LINGO2: variants seen among roughly 807,000 people sequenced by gnomAD.
The protein encoded by LINGO2 is leucine-rich repeat and immunoglobulin-like domain-containing nogo receptor-interacting protein 2.
Under a neutral mutation model 30.6 loss-of-function variants are expected in LINGO2, and 14 were observed. The observed-to-expected ratio is 0.46, with a 90% confidence interval of 0.30 to 0.72. LINGO2 has a LOEUF of 0.72. Among genes scored for constraint, LINGO2 ranks in the 30% least tolerant of loss-of-function variants. The pLI is 0.07. For synonymous variants in LINGO2, 317 were observed against 288.5 expected, an observed-to-expected ratio of 1.10 and a Z score of -1.00; for missense variants, 729 against 751.7, an observed-to-expected ratio of 0.97 and a Z score of 0.35.
At chr9:28,268,324 G>T (rs1296336367) in intron 4 of LINGO2, among the ~76,000 whole-genome samples, 3 of 152,050 alleles carry the variant, frequency 2.0e-5, no homozygotes, top group Non-Finnish European at 2.9e-5. Flanking sequence ...CACAGTCTGT[G>T]ATGGTATCTG....
the LINGO2 span, among the ~76,000 whole-genome samples, chr9:28,700,984 G>A: frequency 6.6e-6 from 1 of 151,890 alleles, no homozygotes; most frequent in South Asian, 2.1e-4. Flanking sequence ...TAGGTCTTTT[G>A]CCCACTTTTC....
At chr9:29,076,849 T>C in the LINGO2 span, among the ~76,000 whole-genome samples, 3 of 151,866 alleles carry the variant, frequency 2.0e-5, no homozygotes, top group Non-Finnish European at 2.9e-5. Flanking sequence ...ATATTTAAAA[T>C]GTGTTCAGAA....
At chr9:29,125,623 A>T in the LINGO2 span, among the ~76,000 whole-genome samples, 7 of 152,158 alleles carry the variant, frequency 4.6e-5, no homozygotes, top group Non-Finnish European at 1.0e-4. Context: ...AGCTACAGTG[A>T]GAACAACCAA....
chr9:28,739,128 C>T, the LINGO2 span, among the ~76,000 whole-genome samples: 1 of 151,864 alleles, frequency 6.6e-6, no homozygotes, highest in East Asian at 1.9e-4. Context: ...TTATTTTTTA[C>T]TTGATAATAC....
chr9:29,007,554 A>G, the LINGO2 span, among the ~76,000 whole-genome samples: 1 of 152,044 alleles, frequency 6.6e-6, no homozygotes, highest in Non-Finnish European at 1.5e-5. Flanking sequence ...GTGCCACTGA[A>G]GGCCTTTTTT....
chr9:28,627,406 T>C (rs7852135), intron 1 of LINGO2, among the ~76,000 whole-genome samples: 23,433 of 151,948 alleles, frequency 0.15, 2,557 homozygotes, highest in African/African-American at 0.3. Context: ...TTGGGAGTTC[T>C]TTCCTTACTT....
the LINGO2 span, among the ~76,000 whole-genome samples, chr9:28,839,025 G>A: frequency 6.6e-6 from 1 of 152,220 alleles, no homozygotes; most frequent in Non-Finnish European, 1.5e-5. Flanking sequence ...TGGCACCAGG[G>A]AATGAGGTGG....
intron 4 of LINGO2, among the ~76,000 whole-genome samples, chr9:28,029,328 C>T (rs1166692556): frequency 1.3e-5 from 2 of 152,122 alleles, no homozygotes; most frequent in Admixed American, 6.5e-5. Context: ...ACAAGCATCC[C>T]ACTGTTCTGC....
chr9:28,324,214 A>G (rs1312961524), intron 3 of LINGO2, among the ~76,000 whole-genome samples: 1 of 152,056 alleles, frequency 6.6e-6, no homozygotes, highest in Non-Finnish European at 1.5e-5. Context: ...TTCCATTAGC[A>G]GTTATTCGTT....
chr9:28,156,518 C>T (rs1008825727), intron 4 of LINGO2, among the ~76,000 whole-genome samples: 1 of 152,158 alleles, frequency 6.6e-6, no homozygotes, highest in Admixed American at 6.5e-5. Flanking sequence ...TTAACGTTTA[C>T]TGGGAAAATA....
the LINGO2 span, among the ~76,000 whole-genome samples, chr9:28,762,620 C>A: frequency 6.6e-6 from 1 of 152,000 alleles, no homozygotes; most frequent in Non-Finnish European, 1.5e-5. Flanking sequence ...CCCTTGGACA[C>A]TTGCTGCTGC....
intron 4 of LINGO2, among the ~76,000 whole-genome samples, chr9:28,207,323 T>A (rs566363274): frequency 9.9e-5 from 15 of 152,134 alleles, no homozygotes; most frequent in Non-Finnish European, 2.1e-4. Flanking sequence ...TAAGGCTGTT[T>A]AATATCATTT....
the LINGO2 span, among the ~76,000 whole-genome samples, chr9:28,785,975 ATT>A: frequency 2.0e-5 from 3 of 152,176 alleles, no homozygotes; most frequent in Non-Finnish European, 4.4e-5. Flanking sequence ...TAACAAATCC[ATT>A]TATCTGCACT....
the LINGO2 span, among the ~76,000 whole-genome samples, chr9:28,750,436 T>C: frequency 6.6e-6 from 1 of 152,030 alleles, no homozygotes; most frequent in Non-Finnish European, 1.5e-5. Context: ...GCTATGAAAA[T>C]ACATTATCTG....
At chr9:28,710,430 T>A in the LINGO2 span, among the ~76,000 whole-genome samples, 3 of 152,134 alleles carry the variant, frequency 2.0e-5, no homozygotes, top group Non-Finnish European at 4.4e-5. Context: ...GTTGGATAAG[T>A]GGACTCTGAA....
At chr9:28,253,772 T>C (rs957943997) in intron 4 of LINGO2, among the ~76,000 whole-genome samples, 5 of 152,154 alleles carry the variant, frequency 3.3e-5, no homozygotes, top group Admixed American at 3.3e-4. Flanking sequence ...ATTTGTAAAA[T>C]GGGGATCACA....
chr9:28,275,257 T>G (rs1587370720), intron 4 of LINGO2, among the ~76,000 whole-genome samples: 1 of 151,924 alleles, frequency 6.6e-6, no homozygotes, highest in Admixed American at 6.6e-5. Context: ...TTTTTTTTAG[T>G]AGAGATGGGG....
At position 28,032,044 on chromosome 9, in the gene LINGO2, G is replaced by A. The variant is rs960236412; in HGVS notation, c.-86-19639C>T. ...TCTGCTGACTCAAAATGAGGGGTGG[G>A]GGGGGAAAGCCTCACTGGGATGAAG... On this transcript the variant is annotated intron_variant, in intron 4 of 5. Transcript: ENST00000379992. Among the ~76,000 whole-genome samples the A allele has an allele frequency of 4.7e-5, 7 of 148,958 alleles. No homozygotes were observed. The East Asian group carries it at 5.9e-4, about 12-fold the overall frequency.
Position 28,436,422 on chromosome 9 carries a change from AT to A in LINGO2, c.-279+39517del, listed in dbSNP as rs1184326331. 2.1e-3 allele frequency among the ~76,000 whole-genome samples: 4 copies of A among 1,884 alleles called. No homozygotes were observed. The Admixed American group carries it at 0.032, about 15-fold the overall frequency. The allele number at this position is 1,884 out of a possible 152,430, so 1.2% of individuals were successfully genotyped here. On this transcript the variant is annotated intron_variant, in intron 2 of 5. Transcript: ENST00000379992. ...TTGAGAGAGAAGAATAAGGAAGAGA[AT>A]TTATTTATTTATTTATTTATTTATT...
Sources: gnomAD v4.1 joint callset for allele counts (sites outside exome capture counted in the v4.1 genomes callset) on GRCh38, gnomAD v4.1.1 for gene constraint, MANE v1.5 for transcripts, NCBI Gene and HGNC (gene_info 2026-07-23, HGNC 2026-07-21) for gene names.